The following CCSER1 variants were observed in gnomAD, a reference collection of about 807,000 sequenced individuals.
The protein encoded by CCSER1 is serine-rich coiled-coil domain-containing protein 1.
CCSER1 carries 41 observed loss-of-function variants against 82.0 expected under a neutral mutation model. The observed-to-expected ratio is 0.50, with a 90% CI of 0.39 to 0.65. The LOEUF (loss-of-function observed/expected upper bound fraction) is 0.65. CCSER1 is among the 30% of genes least tolerant of loss of function. The probability of loss-of-function intolerance (pLI) is 0.00; values close to 1 mark genes in which losing one functional copy is unlikely to be tolerated. For synonymous variants in CCSER1, 414 were observed against 383.9 expected, an observed-to-expected ratio of 1.08 and a Z score of -0.92; for missense variants, 1,119 against 1,064.2, an observed-to-expected ratio of 1.05 and a Z score of -0.72.
intron 9 of CCSER1, among the ~76,000 whole-genome samples, chr4:91,081,558 G>A (rs1722745771): frequency 6.6e-6 from 1 of 151,336 alleles, no homozygotes; most frequent in Non-Finnish European, 1.5e-5. Flanking sequence ...GGAAGTTCTG[G>A]CCAGGGCAAT....
chr4:90,359,911 AT>A (rs1745036245), intron 3 of CCSER1, among the ~76,000 whole-genome samples: 7 of 135,660 alleles, frequency 5.2e-5, no homozygotes, highest in Admixed American at 5.1e-4. Context: ...ATATATATAT[AT>A]ATGTATATAA....
At chr4:91,543,491 G>A (rs1761717993) in intron 10 of CCSER1, among the ~76,000 whole-genome samples, 1 of 152,058 alleles carries the variant, frequency 6.6e-6, no homozygotes, top group Non-Finnish European at 1.5e-5. Flanking sequence ...TTGTAAGGCT[G>A]GCCTGGTGGT....
chr4:90,628,005 C>T lies in CCSER1; in HGVS notation c.1725-20C>T, dbSNP rs1553964200. On this transcript the variant is annotated intron_variant, in intron 5 of 10. Coordinates refer to ENST00000509176, the MANE Select transcript of CCSER1 (RefSeq NM_001145065.2). ...AGCATGCTGCACTGTAATTTTTGTTCTTTTTTTTTTTCTTGTTAGGAATCT... is the reference window on the plus strand; with the variant it reads ...AGCATGCTGCACTGTAATTTTTGTTTTTTTTTTTTTTCTTGTTAGGAATCT... 7 of 1,402,098 alleles carry T rather than the reference C, an allele frequency of 5.0e-6. No individual in the cohort carries two copies. Among genetic ancestry groups the T allele is most frequent in the Non-Finnish European group, 6.9e-6 (7 of 1,011,618 alleles). The allele number at this position is 1,402,098 out of a possible 1,614,324, so 86.9% of individuals were successfully genotyped here.
At chr4:91,571,285 A>G (rs1222868589) in intron 10 of CCSER1, among the ~76,000 whole-genome samples, 1 of 152,198 alleles carries the variant, frequency 6.6e-6, no homozygotes, top group Non-Finnish European at 1.5e-5. Context: ...AAACTGTTCC[A>G]ACCTCTGCCT....
intron 5 of CCSER1, among the ~76,000 whole-genome samples, chr4:90,497,549 C>T (rs1484736107): frequency 6.6e-6 from 1 of 152,108 alleles, no homozygotes; most frequent in Admixed American, 6.6e-5. Context: ...TTTACTTTTA[C>T]AAACTATTTA....
intron 7 of CCSER1, among the ~76,000 whole-genome samples, chr4:90,762,390 T>C (rs766470330): frequency 1.3e-5 from 2 of 152,164 alleles, no homozygotes; most frequent in Non-Finnish European, 2.9e-5. Flanking sequence ...TTACTCAGTC[T>C]TGGGTATGTC....
chr4:90,138,041 G>A (rs572431512), intron 1 of CCSER1, among the ~76,000 whole-genome samples: 1 of 152,308 alleles, frequency 6.6e-6, no homozygotes, highest in East Asian at 1.9e-4. Flanking sequence ...TTAATGCTCA[G>A]TAGATGGTGA....
rs374053530 is a variant in CCSER1 at position 90,333,982 on chromosome 4, A to G, written c.1509+20935A>G. 2.0e-5 allele frequency among the ~76,000 whole-genome samples: 3 copies of G among 152,200 alleles called. No homozygotes were observed. In the East Asian group the frequency reaches 5.8e-4, roughly 29 times the overall value. On this transcript the variant is annotated intron_variant, in intron 3 of 10. Transcript: ENST00000509176. ...CAGTAAATAGCAAAATCAAACAATT[A>G]TATAATCTATTGAATGTAGTAATCT...
chr4:90,915,962 G>T (rs1727320853), intron 8 of CCSER1, among the ~76,000 whole-genome samples: 1 of 152,166 alleles, frequency 6.6e-6, no homozygotes, highest in African/African-American at 2.4e-5. Flanking sequence ...TACAAGGGGT[G>T]TGAAGGACCT....
At chr4:90,684,037 C>T (rs1275946626) in intron 6 of CCSER1, among the ~76,000 whole-genome samples, 1 of 152,116 alleles carries the variant, frequency 6.6e-6, no homozygotes, top group African/African-American at 2.4e-5. Flanking sequence ...CTAGAGAATG[C>T]TCTGAGGTTG....
At chr4:90,195,173 A>G (rs1242676067) in intron 1 of CCSER1, among the ~76,000 whole-genome samples, 1 of 152,120 alleles carries the variant, frequency 6.6e-6, no homozygotes, top group Non-Finnish European at 1.5e-5. Flanking sequence ...AGCCTTTTTC[A>G]TAATTGCCAA....
intron 5 of CCSER1, among the ~76,000 whole-genome samples, chr4:90,597,630 C>T (rs529558411): frequency 7.1e-4 from 108 of 152,088 alleles, no homozygotes; most frequent in African/African-American, 2.5e-3. Flanking sequence ...AATCAAATTA[C>T]AGTATCTGTC....
At chr4:91,350,201 A>T in intron 10 of CCSER1, among the ~76,000 whole-genome samples, 1 of 152,194 alleles carries the variant, frequency 6.6e-6, no homozygotes, top group Non-Finnish European at 1.5e-5. Context: ...ATGGCTTAAC[A>T]TTTCTGTATT....
At chr4:90,648,172 TC>T (rs1371483385) in intron 6 of CCSER1, among the ~76,000 whole-genome samples, 1 of 151,626 alleles carries the variant, frequency 6.6e-6, no homozygotes, top group African/African-American at 2.4e-5. Context: ...AGTTTTTTGT[TC>T]AGTTTATCAA....
chr4:90,718,764 A>G (rs1158482647), intron 6 of CCSER1, among the ~76,000 whole-genome samples: 1 of 152,150 alleles, frequency 6.6e-6, no homozygotes, highest in Non-Finnish European at 1.5e-5. Context: ...TATATTGCTA[A>G]TGAAGAATTT....
intron 10 of CCSER1, among the ~76,000 whole-genome samples, chr4:91,181,640 C>T (rs1313207781): frequency 6.6e-6 from 1 of 152,142 alleles, no homozygotes; most frequent in Non-Finnish European, 1.5e-5. Flanking sequence ...GGCACGCAGA[C>T]TGAGAGGTGC....
intron 10 of CCSER1, among the ~76,000 whole-genome samples, chr4:91,326,489 C>A (rs1032943755): frequency 6.6e-6 from 1 of 152,072 alleles, no homozygotes; most frequent in Non-Finnish European, 1.5e-5. Flanking sequence ...CCCACCAGGC[C>A]CTACCTTCAA....
intron 10 of CCSER1, among the ~76,000 whole-genome samples, chr4:91,359,650 G>A (rs764948112): frequency 1.3e-5 from 2 of 151,780 alleles, no homozygotes; most frequent in Non-Finnish European, 2.9e-5. Flanking sequence ...GTTGATAAAG[G>A]GGTTTCAGGA....
rs200789661 is a variant in CCSER1 at position 90,917,939 on chromosome 4, CT to C, written c.2095-5428del. Among the ~76,000 whole-genome samples the C allele has an allele frequency of 6.3e-3, 962 of 151,940 alleles. 5 individuals are homozygous for C. The highest frequency in any genetic ancestry group is 0.021 in the African/African-American group (854 of 41,460). On this transcript the variant is annotated intron_variant, in intron 8 of 10. Transcript: ENST00000509176. ...ATATTTCTCTTTCCATAAGCTTTAC[CT>C]TTAGATTCATGACTTAGGATCTAAA... is the stretch of plus-strand genomic sequence containing the variant.
Sources: allele counts gnomAD v4.1 joint callset (sites outside exome capture counted in the v4.1 genomes callset), GRCh38; gene constraint gnomAD v4.1.1; transcripts MANE v1.5; gene names NCBI Gene and HGNC (gene_info 2026-07-23, HGNC 2026-07-21).